SOS1: variants seen among roughly 807,000 people sequenced by gnomAD.
The protein encoded by SOS1 is son of sevenless homolog 1.
A neutral mutation model predicts 157.6 loss-of-function variants in SOS1; 25 were observed. The observed-to-expected ratio is 0.16, with a 90% confidence interval of 0.12 to 0.22. The LOEUF (loss-of-function observed/expected upper bound fraction) is 0.22, where lower values mean the gene tolerates loss of function less well. Among genes scored for constraint, SOS1 ranks in the 10% least tolerant of loss-of-function variants. The probability of loss-of-function intolerance (pLI) is 1.00; values close to 1 mark genes in which losing one functional copy is unlikely to be tolerated. For missense variants in SOS1, 1,237 were observed against 1,599.1 expected, an observed-to-expected ratio of 0.77 and a Z score of 3.86; for synonymous variants, 528 against 534.0, an observed-to-expected ratio of 0.99 and a Z score of 0.16.
intron 1 of SOS1, among the ~76,000 whole-genome samples, chr2:39,081,529 A>G (rs1197380179): frequency 6.6e-6 from 1 of 151,864 alleles, no homozygotes; most frequent in East Asian, 1.9e-4. Context: ...GGTAAAAAAA[A>G]GATAAAGGAA....
intron 1 of SOS1, among the ~76,000 whole-genome samples, chr2:39,077,309 G>C (rs565951823): frequency 3.4e-5 from 4 of 116,176 alleles, no homozygotes; most frequent in Non-Finnish European, 7.0e-5. Context: ...GCCAGAGTGA[G>C]ACTCCTTCTC....
intron 2 of SOS1, among the ~76,000 whole-genome samples, chr2:39,065,771 T>C (rs1053664075): frequency 2.0e-5 from 3 of 152,230 alleles, no homozygotes; most frequent in Admixed American, 2.0e-4. Context: ...AGTTGAATCA[T>C]TCATTCAACT....
chr2:39,038,829 T>A (rs1670452460), intron 6 of SOS1, among the ~76,000 whole-genome samples: 1 of 148,780 alleles, frequency 6.7e-6, no homozygotes, highest in African/African-American at 2.5e-5. Context: ...GAATATTACA[T>A]CAACTTAGTT....
intron 1 of SOS1, among the ~76,000 whole-genome samples, chr2:39,089,082 A>G (rs1558508082): frequency 6.6e-6 from 1 of 152,138 alleles, no homozygotes; most frequent in Non-Finnish European, 1.5e-5. Flanking sequence ...GTGTGCCTTT[A>G]CAAAACAAAA....
chr2:39,072,557 G>T (rs1558500446), intron 1 of SOS1, among the ~76,000 whole-genome samples: 1 of 152,036 alleles, frequency 6.6e-6, no homozygotes, highest in African/African-American at 2.4e-5. Flanking sequence ...AAAATGCAAT[G>T]GTTAAAGACA....
intron 10 of SOS1, 59 bp from the exon 11 acceptor site, chr2:39,014,905 G>A (rs990845049): frequency 1.2e-5 from 11 of 939,756 alleles, no homozygotes; most frequent in East Asian, 2.4e-5. Context: ...GATTAAAACT[G>A]TTATGTACAT....
chr2:39,044,535 T>C (rs1405337943), intron 6 of SOS1, among the ~76,000 whole-genome samples: 2 of 152,222 alleles, frequency 1.3e-5, no homozygotes, highest in African/African-American at 4.8e-5. Flanking sequence ...GCAAAATTTA[T>C]AGTTGAAACT....
intron 1 of SOS1, among the ~76,000 whole-genome samples, chr2:39,116,177 G>C (rs1414264310): frequency 3.2e-3 from 1 of 308 alleles, no homozygotes; most frequent in Non-Finnish European, 6.9e-3. Flanking sequence ...AAGTTCACTT[G>C]AATAACCCAA....
intron 20 of SOS1, chr2:38,992,694 A>G (rs1398324164): frequency 6.6e-6 from 1 of 152,218 alleles, no homozygotes; most frequent in Non-Finnish European, 1.5e-5. Flanking sequence ...TGTGGTTTCA[A>G]TAGTTCACTT....
At chr2:38,994,118 G>C (rs184491065) in intron 20 of SOS1, among the ~76,000 whole-genome samples, 2 of 152,106 alleles carry the variant, frequency 1.3e-5, no homozygotes, top group African/African-American at 4.8e-5. Context: ...TAAAATGCAC[G>C]CTGGATTTTA....
At chr2:39,121,906 AT>A (rs1186094399), upstream of SOS1, among the ~76,000 whole-genome samples, 1 of 152,150 alleles carries the variant, frequency 6.6e-6, no homozygotes, top group African/African-American at 2.4e-5. Flanking sequence ...ATTAATTATC[AT>A]TTTTTTGAGT....
intron 6 of SOS1, among the ~76,000 whole-genome samples, chr2:39,042,242 T>A (rs1286751589): frequency 6.6e-6 from 1 of 152,150 alleles, no homozygotes; most frequent in African/African-American, 2.4e-5. Flanking sequence ...TTGCTCCTCA[T>A]TCTTACCATG....
At chr2:39,120,280 C>G in intron 1 of SOS1, 56 bp downstream of exon 1, 1 of 1,489,338 alleles carries the variant, frequency 6.7e-7, no homozygotes, top group South Asian at 1.2e-5. Flanking sequence ...CAGCCCTTCC[C>G]CAGCGCCCGC....
intron 6 of SOS1, among the ~76,000 whole-genome samples, 155 bp from the exon 7 acceptor site, chr2:39,035,655 A>G (rs1254100667): frequency 1.3e-5 from 2 of 152,214 alleles, no homozygotes; most frequent in Non-Finnish European, 2.9e-5. Flanking sequence ...TTAATAGAAG[A>G]GATCCCAATA....
chr2:39,047,310 C>G (rs1670826176), intron 6 of SOS1, among the ~76,000 whole-genome samples: 1 of 152,110 alleles, frequency 6.6e-6, no homozygotes, highest in South Asian at 2.1e-4. Context: ...ATGAATAAAC[C>G]TACTGTGAAC....
chr2:39,010,469 T>C, intron 15 of SOS1, 115 bp downstream of exon 15: 1 of 937,504 alleles, frequency 1.1e-6, no homozygotes, highest in Non-Finnish European at 1.7e-6. Context: ...GCCACTGCAC[T>C]CCAGCCTATG....
At chr2:39,097,859 C>T (rs1050998701) in intron 1 of SOS1, among the ~76,000 whole-genome samples, 3 of 152,142 alleles carry the variant, frequency 2.0e-5, no homozygotes, top group African/African-American at 7.2e-5. Flanking sequence ...GCCACTTTGC[C>T]CAGTGAAGTT....
At chr2:39,093,791 G>T (rs938921421) in intron 1 of SOS1, among the ~76,000 whole-genome samples, 7 of 152,206 alleles carry the variant, frequency 4.6e-5, no homozygotes, top group Non-Finnish European at 1.0e-4. Flanking sequence ...AAGCCAAATG[G>T]AAGGCCTTTC....
chr2:38,985,182 A>G lies in SOS1; in HGVS notation c.*642T>C, dbSNP rs886056019. ...GGGGGAATGCTCTTAAAATTGGTAC[A>G]ATTATTCCTAAAACAACAACAACAA... On this transcript the variant is annotated 3_prime_UTR_variant, in exon 23 of 23. Coordinates refer to ENST00000402219, the MANE Select transcript of SOS1 (RefSeq NM_005633.4). 1.3e-5 allele frequency: 2 copies of G among 152,670 alleles called. No homozygotes were observed. Among genetic ancestry groups the G allele is most frequent in the Non-Finnish European group, 2.9e-5 (2 of 68,490 alleles). The allele number at this position is 152,670 out of a possible 1,614,324, so 9.5% of individuals were successfully genotyped here. A position where few individuals can be genotyped will look rare whatever the true frequency, so the allele number is the denominator to read the frequency against.
Sources: gnomAD v4.1 joint callset for allele counts (sites outside exome capture counted in the v4.1 genomes callset) on GRCh38, gnomAD v4.1.1 for gene constraint, MANE v1.5 for transcripts, NCBI Gene and HGNC (gene_info 2026-07-23, HGNC 2026-07-21) for gene names.